RGS3: variants seen among roughly 807,000 people sequenced by gnomAD.
The protein encoded by RGS3 is regulator of G-protein signalling 3.
RGS3 carries 80 observed loss-of-function variants against 132.6 expected under a neutral mutation model. That is an observed-to-expected ratio of 0.60 (90% CI 0.50 to 0.73). The LOEUF is 0.73. Among genes scored for constraint, RGS3 ranks in the 30% least tolerant of loss-of-function variants. The pLI is 0.00. For synonymous variants in RGS3, 598 were observed against 620.6 expected (o/e 0.96, Z 0.54); for missense variants, 1,382 against 1,530.8 (o/e 0.90, Z 1.62).
At chr9:113,464,730 G>A (rs773887355) in intron 3 of RGS3, among the ~76,000 whole-genome samples, 24 of 152,156 alleles carry the variant, frequency 1.6e-4, no homozygotes, top group African/African-American at 4.1e-4. Context: ...CCTGTCCAGC[G>A]CATTTTTGTT....
In RGS3 at chr9:113,591,841, C is replaced by G. The variant is rs981423811; in HGVS notation, c.3080+444C>G. 20 of 171,280 alleles carry G rather than the reference C, an allele frequency of 1.2e-4. No homozygotes were observed. The highest frequency in any genetic ancestry group is 1.7e-4 in the Non-Finnish European group (13 of 77,750). The allele number at this position is 171,280 out of a possible 1,614,324, so 10.6% of individuals were successfully genotyped here. On this transcript the variant is annotated intron_variant, in intron 21 of 24. Coordinates refer to ENST00000350696, the Ensembl canonical transcript of RGS3. The surrounding 1 kb of genome is among the most constrained non-coding windows in gnomAD (Gnocchi z 4.4). ...TCTCAGGCATTGCCAGGAGGGGGCG[C>G]TGCTGGCCCAGCTGCCGAATCCCGC...
chr9:113,453,192 T>TTATATAATA, intron 1 of RGS3, among the ~76,000 whole-genome samples: 9 of 125,822 alleles, frequency 7.2e-5, no homozygotes, highest in African/African-American at 1.8e-4. Context: ...CATTATATGA[T>TTATATAATA]TACATAATAT....
Position 113,585,083 on chromosome 9 carries a change from G to C in RGS3, c.3015+656G>C, listed in dbSNP as rs189985737. ...ATGAATAAGTATTTATGGATTTCCT[G>C]CTGTGTACCAGGCCCTGCGCTCTGC... On this transcript the variant is annotated intron_variant, in intron 20 of 24. Transcript: ENST00000350696. Among the ~76,000 whole-genome samples the C allele has an allele frequency of 1.1e-3, 165 of 152,362 alleles. 1 individual carries two copies. The highest frequency in any genetic ancestry group is 3.7e-3 in the African/African-American group (155 of 41,582).
intron 19 of RGS3, chr9:113,582,224 G>A: frequency 6.1e-6 from 6 of 985,314 alleles, no homozygotes; most frequent in Non-Finnish European, 7.2e-6. Context: ...TGGCTGTCAG[G>A]GCAGCTGTAC....
At chr9:113,535,156 T>C (rs1327600034) in intron 18 of RGS3, among the ~76,000 whole-genome samples, 12 of 152,090 alleles carry the variant, frequency 7.9e-5, no homozygotes, top group Non-Finnish European at 1.8e-4. Flanking sequence ...TATTTTATTT[T>C]GTTTTTTTTT....
intron 19 of RGS3, chr9:113,570,467 T>C (rs912576584): frequency 1.3e-5 from 2 of 152,010 alleles, no homozygotes; most frequent in African/African-American, 4.8e-5. Context: ...GTTTTATTTG[T>C]TTTTAAAATA....
intron 1 of RGS3, among the ~76,000 whole-genome samples, chr9:113,451,792 G>T (rs896962305): frequency 2.6e-5 from 4 of 151,572 alleles, no homozygotes; most frequent in African/African-American, 7.3e-5. Context: ...AGCATTTCCA[G>T]TGTTCTCTTT....
chr9:113,523,334 C>T (rs2119413255), intron 17 of RGS3, among the ~76,000 whole-genome samples: 1 of 152,282 alleles, frequency 6.6e-6, no homozygotes, highest in Middle Eastern at 3.4e-3. Flanking sequence ...CAAATCTTGG[C>T]CCTGTCCCTC....
chr9:113,461,894 T>C, intron 2 of RGS3: 1 of 1,606,166 alleles, frequency 6.2e-7, no homozygotes, highest in Non-Finnish European at 8.5e-7. Context: ...ACCTTCCCTT[T>C]TCCCTGTGGG....
At chr9:113,564,720 C>A (rs1383108189) in intron 19 of RGS3, among the ~76,000 whole-genome samples, 1 of 152,218 alleles carries the variant, frequency 6.6e-6, no homozygotes, top group Non-Finnish European at 1.5e-5. Flanking sequence ...GGGGAGGAAG[C>A]CCCAGGTTCT....
chr9:113,568,167 C>T (rs1251275914), intron 19 of RGS3, among the ~76,000 whole-genome samples: 1 of 152,256 alleles, frequency 6.6e-6, no homozygotes, highest in Non-Finnish European at 1.5e-5. Flanking sequence ...AAATCAGGGA[C>T]AAGAACTCAG....
At chr9:113,480,243 G>A (rs531829933) in intron 4 of RGS3, among the ~76,000 whole-genome samples, 30 of 152,080 alleles carry the variant, frequency 2.0e-4, no homozygotes, top group Non-Finnish European at 3.5e-4. Flanking sequence ...CAGATCACGC[G>A]GTCAGGAGTT....
intron 16 of RGS3, among the ~76,000 whole-genome samples, chr9:113,517,830 T>C (rs895070216): frequency 1.3e-5 from 2 of 152,198 alleles, no homozygotes; most frequent in African/African-American, 4.8e-5. Flanking sequence ...TGTCGAATCC[T>C]TCTTTGATGG....
intron 7 of RGS3, among the ~76,000 whole-genome samples, chr9:113,487,567 A>G (rs1389817578): frequency 6.6e-6 from 1 of 152,212 alleles, no homozygotes; most frequent in Non-Finnish European, 1.5e-5. Flanking sequence ...GTTGGACCCC[A>G]GGGTCTTTCC....
At chr9:113,596,249 G>T (rs559046658) in intron 24 of RGS3, among the ~76,000 whole-genome samples, 12 of 152,176 alleles carry the variant, frequency 7.9e-5, no homozygotes. Context: ...CAGGATAATC[G>T]CTTGAACCCG....
intron 18 of RGS3, among the ~76,000 whole-genome samples, chr9:113,533,149 T>G (rs1374696716): frequency 6.6e-6 from 1 of 151,912 alleles, no homozygotes; most frequent in East Asian, 1.9e-4. Context: ...TTCCCTTCCA[T>G]AAAATGGGGA....
chr9:113,585,394 C>T (rs780411392), intron 20 of RGS3, among the ~76,000 whole-genome samples: 14 of 152,238 alleles, frequency 9.2e-5, no homozygotes, highest in South Asian at 2.1e-4. Flanking sequence ...TAACACTAGC[C>T]GCTTGAGAGG....
At chr9:113,597,082 A>T (rs1321239669) in exon 25 of RGS3, 2 of 776,290 alleles carry the variant, frequency 2.6e-6, no homozygotes, top group African/African-American at 3.5e-5. Flanking sequence ...AGACGGATAG[A>T]CATACGGAAG....
At chr9:113,580,673 T>G (rs1834750260) in intron 19 of RGS3, 1 of 396,444 alleles carries the variant, frequency 2.5e-6, no homozygotes, top group Non-Finnish European at 3.4e-6. Context: ...TCGGCTGATC[T>G]CTCTGGGTAG....
Sources: gnomAD v4.1 joint callset for allele counts (sites outside exome capture counted in the v4.1 genomes callset) on GRCh38, gnomAD v4.1.1 for gene constraint, Gnocchi (gnomAD v3.1) non-coding constraint, MANE v1.5 for transcripts, NCBI Gene and HGNC (gene_info 2026-07-23, HGNC 2026-07-21) for gene names.